The following DYRK1A variants were observed in gnomAD, a reference collection of about 807,000 sequenced individuals.
DYRK1A encodes the protein dual specificity tyrosine phosphorylation regulated kinase 1A.
A neutral mutation model predicts 79.7 loss-of-function variants in DYRK1A; 9 were observed. The observed-to-expected ratio is 0.11, with a 90% CI of 0.07 to 0.20. The LOEUF is 0.20. Ranked by LOEUF, DYRK1A falls within the 10% of genes least tolerant of loss-of-function variation. DYRK1A has a pLI of 1.00. For missense variants in DYRK1A, 622 were observed against 956.0 expected, an observed-to-expected ratio of 0.65 and a Z score of 4.61; for synonymous variants, 349 against 329.7, an observed-to-expected ratio of 1.06 and a Z score of -0.63.
chr21:37,470,048 G>T (rs2052169851), intron 2 of DYRK1A, among the ~76,000 whole-genome samples: 1 of 152,182 alleles, frequency 6.6e-6, no homozygotes, highest in Non-Finnish European at 1.5e-5. Flanking sequence ...GGAGGCTGAG[G>T]CAGGAGAATG....
intron 2 of DYRK1A, among the ~76,000 whole-genome samples, chr21:37,422,817 GA>G (rs895491160): frequency 2.0e-5 from 3 of 151,920 alleles, no homozygotes; most frequent in African/African-American, 4.8e-5. Flanking sequence ...TGGGAGGAGA[GA>G]AAAAAATAGT....
chr21:37,508,661 C>T (rs948794556), intron 11 of DYRK1A, among the ~76,000 whole-genome samples: 10 of 152,232 alleles, frequency 6.6e-5, no homozygotes, highest in South Asian at 2.1e-4. Context: ...ATCAAGGCGT[C>T]GGTGCTTTCC....
Position 37,457,025 on chromosome 21 carries a change from CTTACTTACTTACTTATTTATTTAT to C in DYRK1A, c.11-15655_11-15632del, listed in dbSNP as rs1330293841. Among the ~76,000 whole-genome samples the C allele has an allele frequency of 7.5e-4, 58 of 77,022 alleles. 1 individual carries two copies. Among genetic ancestry groups the C allele is most frequent in the South Asian group, 3.9e-3 (9 of 2,334 alleles). The allele number at this position is 77,022 out of a possible 152,430, so 50.5% of individuals were successfully genotyped here. On this transcript the variant is annotated intron_variant, in intron 2 of 11. Transcript: ENST00000647188. The stretch of plus-strand genomic sequence containing the variant: ...GGTAAAAAGAAAATTTACTTACTTA[CTTACTTACTTACTTATTTATTTAT>C]TTATTTATTTATTTATTTATTTATT...
intron 3 of DYRK1A, among the ~76,000 whole-genome samples, chr21:37,473,303 C>G (rs1210764350): frequency 6.6e-6 from 1 of 152,042 alleles, no homozygotes; most frequent in Non-Finnish European, 1.5e-5. Context: ...ACAAAACTCC[C>G]TAAAATTCAA....
chr21:37,482,385 A>C lies in DYRK1A; in HGVS notation c.489+1559A>C, dbSNP rs186363007. 2.6e-4 allele frequency among the ~76,000 whole-genome samples: 40 copies of C among 152,312 alleles called. No individual in the cohort carries two copies. In the East Asian group the frequency reaches 7.5e-3, roughly 29 times the overall value. ...GCTGGGCATCTGGGGGAGACATCAC[A>C]TGTCGGTAGGTTCTCTGATGCCCCA... On this transcript the variant is annotated intron_variant, in intron 5 of 11. Coordinates refer to ENST00000647188, the MANE Select transcript of DYRK1A (RefSeq NM_001347721.2).
chr21:37,406,123 G>T (rs2050141733), intron 1 of DYRK1A, among the ~76,000 whole-genome samples: 1 of 151,712 alleles, frequency 6.6e-6, no homozygotes, highest in Non-Finnish European at 1.5e-5. Context: ...AGTTGTAATT[G>T]TTCAGTACAA....
chr21:37,493,456 G>A (rs2053163010), intron 8 of DYRK1A, among the ~76,000 whole-genome samples: 1 of 152,182 alleles, frequency 6.6e-6, no homozygotes, highest in Non-Finnish European at 1.5e-5. Context: ...GCTTAAAGAT[G>A]ATAAAGAATG....
intron 3 of DYRK1A, among the ~76,000 whole-genome samples, chr21:37,476,676 T>A (rs771384078): frequency 2.6e-5 from 4 of 152,244 alleles, no homozygotes; most frequent in Admixed American, 6.5e-5. Context: ...ATTAAGTCCT[T>A]AAGGAATAGT....
chr21:37,420,398 T>G lies in DYRK1A; in HGVS notation c.10+14T>G. On this transcript the variant is annotated intron_variant, in intron 2 of 11. Coordinates refer to ENST00000647188, the MANE Select transcript of DYRK1A (RefSeq NM_001347721.2). ...CGATGCATACAGGTGACTCAAGTTT[T>G]GAAATACAGTAAAACTCTGGCTAAG... 6.2e-7 allele frequency: 1 copy of G among 1,611,568 alleles called. No individual in the cohort carries two copies.
intron 6 of DYRK1A, chr21:37,487,799 T>A (rs2052925962): frequency 6.6e-6 from 1 of 152,250 alleles, no homozygotes; most frequent in South Asian, 2.1e-4. Flanking sequence ...CTTAGTTTCT[T>A]TATAGATACT....
At chr21:37,508,027 G>A (rs2053646562) in intron 11 of DYRK1A, among the ~76,000 whole-genome samples, 1 of 152,004 alleles carries the variant, frequency 6.6e-6, no homozygotes, top group Non-Finnish European at 1.5e-5. Context: ...TGTAAAAATG[G>A]CCCTAAATTT....
Position 37,522,657 on chromosome 21 carries a change from G to A in DYRK1A, c.*10126G>A, listed in dbSNP as rs889971957. On this transcript the variant is annotated 3_prime_UTR_variant, in exon 12 of 12. Coordinates refer to ENST00000647188, the MANE Select transcript of DYRK1A (RefSeq NM_001347721.2). Reference sequence around the variant, plus strand: ...ACAAAATTTTTATTTTGGCAAAACCGTCCATGAATTTGGAGATGTTGAACA... The same window carrying A: ...ACAAAATTTTTATTTTGGCAAAACCATCCATGAATTTGGAGATGTTGAACA... 2 of 152,204 alleles carry A rather than the reference G, an allele frequency of 1.3e-5. No homozygotes were observed. Among genetic ancestry groups the A allele is most frequent in the African/African-American group, 4.8e-5 (2 of 41,442 alleles). 9.4% of individuals were successfully genotyped at this position (152,204 alleles called of 1,614,324 possible).
intron 2 of DYRK1A, chr21:37,430,496 A>G: frequency 1.2e-6 from 1 of 822,602 alleles, no homozygotes; most frequent in Non-Finnish European, 1.5e-6. Context: ...TGCACCGCGC[A>G]AATACCTGGG....
intron 7 of DYRK1A, among the ~76,000 whole-genome samples, chr21:37,490,698 A>G (rs1448095423): frequency 2.0e-5 from 3 of 151,776 alleles, no homozygotes; most frequent in Non-Finnish European, 4.4e-5. Context: ...AAAATGTAGC[A>G]CTTAATTACC....
At chr21:37,406,416 C>T (rs778795507) in intron 1 of DYRK1A, among the ~76,000 whole-genome samples, 6 of 152,124 alleles carry the variant, frequency 3.9e-5, no homozygotes, top group Non-Finnish European at 8.8e-5. Flanking sequence ...AGTGATGGGA[C>T]AGGGTGCGGT....
intron 1 of DYRK1A, among the ~76,000 whole-genome samples, chr21:37,373,730 G>T (rs769068622): frequency 1.3e-5 from 2 of 152,114 alleles, no homozygotes; most frequent in Non-Finnish European, 2.9e-5. Flanking sequence ...ATACCCTATT[G>T]GTCATAACTT....
chr21:37,486,414 T>C, intron 5 of DYRK1A, 53 bp from the exon 6 acceptor site: 2 of 1,299,494 alleles, frequency 1.5e-6, no homozygotes, highest in Non-Finnish European at 2.0e-6. Flanking sequence ...TTATAAATTA[T>C]TGTGAAATTT....
intron 1 of DYRK1A, among the ~76,000 whole-genome samples, chr21:37,390,955 A>G (rs1042377334): frequency 7.2e-5 from 11 of 152,180 alleles, no homozygotes; most frequent in Non-Finnish European, 2.9e-5. Flanking sequence ...AGGAATACAG[A>G]CCAGTGATTT....
At chr21:37,378,533 C>CG (rs2049593881) in intron 1 of DYRK1A, among the ~76,000 whole-genome samples, 1 of 152,120 alleles carries the variant, frequency 6.6e-6, no homozygotes, top group African/African-American at 2.4e-5. Flanking sequence ...AACTCCATCT[C>CG]GAAAAACAAA....
Sources: gnomAD v4.1 joint callset for allele counts (sites outside exome capture counted in the v4.1 genomes callset) on GRCh38, gnomAD v4.1.1 for gene constraint, MANE v1.5 for transcripts, NCBI Gene and HGNC (gene_info 2026-07-23, HGNC 2026-07-21) for gene names.